LAPTM4B: variants seen among roughly 807,000 people sequenced by gnomAD.
LAPTM4B encodes lysosomal-associated transmembrane protein 4B.
Under a neutral mutation model 28.5 loss-of-function variants are expected in LAPTM4B, and 26 were observed. The observed-to-expected ratio is 0.91, with a 90% CI of 0.67 to 1.27. The LOEUF is 1.27. LAPTM4B is among the 50% of genes most tolerant of loss of function. The pLI, the probability that LAPTM4B is intolerant of heterozygous loss-of-function variation, is 0.00. For synonymous variants in LAPTM4B, 109 were observed against 106.4 expected (o/e 1.02, Z -0.15); for missense variants, 288 against 285.8 (o/e 1.01, Z -0.06).
chr8:97,795,053 T>C (rs1816561229), intron 1 of LAPTM4B, among the ~76,000 whole-genome samples: 1 of 152,168 alleles, frequency 6.6e-6, no homozygotes, highest in Non-Finnish European at 1.5e-5. Flanking sequence ...TACTGGAATA[T>C]AGAAATTAGC....
rs538126326 is a variant in LAPTM4B at position 97,776,645 on chromosome 8, C to T, written c.99+537C>T. ...TTCACGCCGTCGCACGTTCGGATCCCGAGTTGAAGTGGTTGGGAGTTCTTG... is the reference window on the plus strand; with the variant it reads ...TTCACGCCGTCGCACGTTCGGATCCTGAGTTGAAGTGGTTGGGAGTTCTTG... On this transcript the variant is annotated intron_variant, in intron 1 of 6. Coordinates refer to ENST00000521545, the MANE Select transcript of LAPTM4B (RefSeq NM_018407.6). Among the ~76,000 whole-genome samples the T allele has an allele frequency of 4.6e-5, 7 of 152,204 alleles. No homozygotes were observed. The East Asian group carries it at 1.2e-3, about 25-fold the overall frequency.
At chr8:97,809,661 C>G (rs1328654718) in intron 2 of LAPTM4B, among the ~76,000 whole-genome samples, 1 of 152,084 alleles carries the variant, frequency 6.6e-6, no homozygotes, top group Non-Finnish European at 1.5e-5. Flanking sequence ...GATTGTGTCA[C>G]TGCACTCCAG....
chr8:97,788,892 C>T (rs1032875227), intron 1 of LAPTM4B, among the ~76,000 whole-genome samples: 1 of 151,762 alleles, frequency 6.6e-6, no homozygotes, highest in Non-Finnish European at 1.5e-5. Context: ...GACGGGGTTT[C>T]ACCATGTTGA....
Position 97,836,886 on chromosome 8 carries a change from A to G in LAPTM4B, c.603+11733A>G, listed in dbSNP as rs145466000. Among the ~76,000 whole-genome samples, 252 of 152,184 alleles carry G rather than the reference A, an allele frequency of 1.7e-3. 1 individual carries two copies. Among genetic ancestry groups the G allele is most frequent in the African/African-American group, 5.2e-3 (218 of 41,548 alleles). ...TGCATCTAACTGCTTGAAAAACGCA[A>G]TTGAAGAAAGGTGAGTGTGGCTTCT... On this transcript the variant is annotated intron_variant, in intron 6 of 6. Transcript: ENST00000521545.
intron 1 of LAPTM4B, 24 bp downstream of exon 1, chr8:97,776,132 G>C: frequency 2.6e-6 from 4 of 1,552,264 alleles, no homozygotes; most frequent in East Asian, 2.6e-5. Context: ...GCCCGGCCCG[G>C]GACCCTGCGT....
chr8:97,822,741 TG>T (rs1052442940), intron 5 of LAPTM4B, among the ~76,000 whole-genome samples: 1 of 152,140 alleles, frequency 6.6e-6, no homozygotes, highest in African/African-American at 2.4e-5. Flanking sequence ...TATATATTTA[TG>T]GGGTATATGA....
chr8:97,842,863 T>C (rs920057401), intron 6 of LAPTM4B, among the ~76,000 whole-genome samples: 2 of 150,028 alleles, frequency 1.3e-5, no homozygotes, highest in Non-Finnish European at 3.0e-5. Context: ...GCAGAAGTTT[T>C]AGTGCTCCCT....
intron 6 of LAPTM4B, among the ~76,000 whole-genome samples, chr8:97,846,021 A>T (rs990814312): frequency 4.0e-5 from 6 of 149,668 alleles, no homozygotes; most frequent in Non-Finnish European, 7.4e-5. Context: ...CCTAAGGCTA[A>T]TTTTTGTATT....
At position 97,775,929 on chromosome 8, in the gene LAPTM4B, C is replaced by T; in HGVS notation, c.-81C>T. 8.6e-7 allele frequency: 1 copy of T among 1,169,292 alleles called. No individual in the cohort carries two copies. The highest frequency in any genetic ancestry group is 1.1e-6 in the Non-Finnish European group (1 of 870,000). The allele number at this position is 1,169,292 out of a possible 1,614,324, so 72.4% of individuals were successfully genotyped here. The stretch of plus-strand genomic sequence containing the variant: ...GCCGGAGCGGCGGAGGAGCCGGCAG[C>T]AGCGGCGCGGCGGGCTCCAGGCGAG... On this transcript the variant is annotated 5_prime_UTR_variant, in exon 1 of 7. Coordinates refer to ENST00000521545, the MANE Select transcript of LAPTM4B (RefSeq NM_018407.6).
chr8:97,775,818 G>A lies in LAPTM4B; in HGVS notation c.-192G>A, dbSNP rs1440171774. ...CGCCGCTGCAGCGGTCGCCTTCGGA[G>A]CGAAGGGTACCGACCCGGCAGAAGC... is the stretch of plus-strand genomic sequence containing the variant. On this transcript the variant is annotated 5_prime_UTR_variant, in exon 1 of 7. Transcript: ENST00000521545. 1 of 1,563,512 alleles carries A rather than the reference G, an allele frequency of 6.4e-7. No homozygotes were observed. The highest frequency in any genetic ancestry group is 1.3e-5 in the African/African-American group (1 of 74,080).
At chr8:97,845,868 A>C (rs1262812958) in intron 6 of LAPTM4B, among the ~76,000 whole-genome samples, 1,429 of 4,292 alleles carry the variant, frequency 0.33, 10 homozygotes, top group Non-Finnish European at 0.41. Context: ...CCCCCCTTCC[A>C]CTCCCCTCCC....
intron 6 of LAPTM4B, among the ~76,000 whole-genome samples, chr8:97,845,654 C>T (rs902302407): frequency 3.9e-5 from 6 of 151,932 alleles, no homozygotes. Flanking sequence ...ACCTCAAAAT[C>T]TCCAAGGATG....
At chr8:97,783,144 C>T (rs1816349654) in intron 1 of LAPTM4B, among the ~76,000 whole-genome samples, 1 of 148,464 alleles carries the variant, frequency 6.7e-6, no homozygotes, top group African/African-American at 2.5e-5. Flanking sequence ...AAATACATAC[C>T]AAATGCCTCT....
intron 1 of LAPTM4B, among the ~76,000 whole-genome samples, chr8:97,782,408 G>T (rs1336420211): frequency 6.8e-6 from 1 of 147,912 alleles, no homozygotes; most frequent in Non-Finnish European, 1.5e-5. Flanking sequence ...AAGTAGCTGG[G>T]ACTACAGGCT....
chr8:97,818,570 C>T (rs868199031), intron 4 of LAPTM4B, among the ~76,000 whole-genome samples: 9 of 152,188 alleles, frequency 5.9e-5, no homozygotes, highest in East Asian at 1.9e-4. Flanking sequence ...TATTTCCCCC[C>T]ACCCTGGAAG....
At chr8:97,845,331 T>G (rs2129855028) in intron 6 of LAPTM4B, among the ~76,000 whole-genome samples, 1 of 150,676 alleles carries the variant, frequency 6.6e-6, no homozygotes, top group African/African-American at 2.5e-5. Flanking sequence ...CTTTGTTTTT[T>G]TTTGATCCTA....
chr8:97,785,902 G>A (rs1816393663), intron 1 of LAPTM4B, among the ~76,000 whole-genome samples: 1 of 152,198 alleles, frequency 6.6e-6, no homozygotes, highest in South Asian at 2.1e-4. Flanking sequence ...TCAGATAAAA[G>A]TTATTTTCTC....
chr8:97,786,658 C>T (rs902398507), intron 1 of LAPTM4B, among the ~76,000 whole-genome samples: 16 of 150,604 alleles, frequency 1.1e-4, no homozygotes, highest in Non-Finnish European at 1.5e-4. Flanking sequence ...GAGATCGTGC[C>T]GCTACACTCC....
intron 6 of LAPTM4B, among the ~76,000 whole-genome samples, chr8:97,834,752 C>G (rs1817236811): frequency 6.6e-6 from 1 of 152,136 alleles, no homozygotes; most frequent in Admixed American, 6.5e-5. Flanking sequence ...TTCTTATTGT[C>G]TGGTATGACA....
Sources: gnomAD v4.1 joint callset for allele counts (sites outside exome capture counted in the v4.1 genomes callset) on GRCh38, gnomAD v4.1.1 for gene constraint, MANE v1.5 for transcripts, NCBI Gene and HGNC (gene_info 2026-07-23, HGNC 2026-07-21) for gene names.